Variants in CCDC73 observed in about 807,000 individuals in gnomAD.
CCDC73 encodes the protein coiled-coil domain-containing protein 73.
In CCDC73, 95 loss-of-function variants were observed where a neutral mutation model predicts 116.5. The observed-to-expected ratio is 0.82, with a 90% confidence interval of 0.69 to 0.97. The LOEUF (loss-of-function observed/expected upper bound fraction) is 0.97, where lower values mean the gene tolerates loss of function less well. Ranked by LOEUF, CCDC73 falls within the 50% of genes least tolerant of loss-of-function variation. The pLI, the probability that CCDC73 is intolerant of heterozygous loss-of-function variation, is 0.00. For synonymous variants in CCDC73, 398 were observed against 401.3 expected (o/e 0.99, Z 0.10); for missense variants, 1,066 against 1,206.8 (o/e 0.88, Z 1.73).
chr11:32,676,919 C>T (rs2052485924), intron 7 of CCDC73, among the ~76,000 whole-genome samples: 1 of 152,160 alleles, frequency 6.6e-6, no homozygotes, highest in Admixed American at 6.5e-5. Context: ...TTATATGGGC[C>T]TCTACTGCTT....
intron 14 of CCDC73, among the ~76,000 whole-genome samples, chr11:32,619,379 A>G (rs1411454391): frequency 6.6e-6 from 1 of 152,232 alleles, no homozygotes; most frequent in Non-Finnish European, 1.5e-5. Context: ...AACCAAAAAT[A>G]TACAAGTTGG....
At chr11:32,702,219 A>G (rs1412085817) in intron 4 of CCDC73, among the ~76,000 whole-genome samples, 4 of 152,230 alleles carry the variant, frequency 2.6e-5, no homozygotes, top group Admixed American at 6.5e-5. Flanking sequence ...AGATAGAGAT[A>G]AGGAAACTTT....
chr11:32,655,121 G>GGAAA (rs1855860548), intron 9 of CCDC73, 149 bp from the exon 10 acceptor site: 1 of 97,912 alleles, frequency 1.0e-5, no homozygotes, highest in Non-Finnish European at 2.0e-5. Flanking sequence ...ATTAGCCAAG[G>GGAAA]TGGGAACATA....
intron 2 of CCDC73, among the ~76,000 whole-genome samples, chr11:32,736,961 T>C (rs925568258): frequency 6.7e-6 from 1 of 149,336 alleles, no homozygotes; most frequent in Non-Finnish European, 1.5e-5. Context: ...TATACACACA[T>C]ATACATATAT....
intron 2 of CCDC73, among the ~76,000 whole-genome samples, chr11:32,751,337 T>C (rs774065946): frequency 3.3e-5 from 5 of 152,154 alleles, no homozygotes; most frequent in Non-Finnish European, 7.4e-5. Context: ...CTGGGTCGCA[T>C]GCTCTCTCCA....
intron 1 of CCDC73, among the ~76,000 whole-genome samples, chr11:32,775,314 T>C (rs984327519): frequency 6.6e-6 from 1 of 152,220 alleles, no homozygotes; most frequent in African/African-American, 2.4e-5. Context: ...CTGTCTGGAA[T>C]GCTCTATATC....
At chr11:32,672,253 A>G (rs2133284013) in intron 9 of CCDC73, among the ~76,000 whole-genome samples, 1 of 152,270 alleles carries the variant, frequency 6.6e-6, no homozygotes, top group South Asian at 2.1e-4. Context: ...GAGGCAGGAG[A>G]ATGGCTTGAA....
chr11:32,811,963 T>A, the CCDC73 span, among the ~76,000 whole-genome samples: 1 of 152,196 alleles, frequency 6.6e-6, no homozygotes, highest in Non-Finnish European at 1.5e-5. Flanking sequence ...TTTTTTTTCT[T>A]TTTTGGTATT....
intron 1 of CCDC73, among the ~76,000 whole-genome samples, chr11:32,760,944 C>T (rs1478834611): frequency 6.6e-6 from 1 of 152,110 alleles, no homozygotes; most frequent in African/African-American, 2.4e-5. Context: ...AGCTTATTAG[C>T]ACTTTACCAG....
At chr11:32,687,087 T>C (rs554870017) in intron 6 of CCDC73, among the ~76,000 whole-genome samples, 2 of 152,354 alleles carry the variant, frequency 1.3e-5, no homozygotes, top group East Asian at 1.9e-4. Context: ...TTTCCATTTA[T>C]TGAATTTATT....
At chr11:32,784,172 G>C (rs1168406347) in intron 1 of CCDC73, among the ~76,000 whole-genome samples, 3 of 151,950 alleles carry the variant, frequency 2.0e-5, no homozygotes, top group Non-Finnish European at 4.4e-5. Context: ...TCTACTAAAA[G>C]ATACAAAATT....
At chr11:32,621,542 A>C (rs1855523212) in intron 14 of CCDC73, among the ~76,000 whole-genome samples, 1 of 152,246 alleles carries the variant, frequency 6.6e-6, no homozygotes, top group South Asian at 2.1e-4. Context: ...TTAAATACTT[A>C]AGTGCAAAAC....
At chr11:32,697,642 C>A (rs965684493) in intron 6 of CCDC73, among the ~76,000 whole-genome samples, 4 of 151,830 alleles carry the variant, frequency 2.6e-5, no homozygotes, top group African/African-American at 4.8e-5. Flanking sequence ...TGCCACCATG[C>A]GTGGCTAATT....
chr11:32,630,562 C>T (rs1482871778), intron 14 of CCDC73, among the ~76,000 whole-genome samples: 5 of 152,104 alleles, frequency 3.3e-5, no homozygotes, highest in South Asian at 2.1e-4. Flanking sequence ...AGGCTGGTCT[C>T]GAACTCCTCA....
intron 2 of CCDC73, among the ~76,000 whole-genome samples, chr11:32,719,783 A>C (rs1849974952): frequency 6.6e-6 from 1 of 152,136 alleles, no homozygotes; most frequent in Non-Finnish European, 1.5e-5. Flanking sequence ...AAAACTTTAC[A>C]CTCAGAAATT....
chr11:32,708,801 G>A (rs1175536270), intron 3 of CCDC73, among the ~76,000 whole-genome samples: 2 of 152,156 alleles, frequency 1.3e-5, no homozygotes, highest in Admixed American at 6.5e-5. Context: ...CCAGTTCTAG[G>A]AGCTTTTTGG....
chr11:32,694,445 T>C (rs1856290587), intron 6 of CCDC73, among the ~76,000 whole-genome samples: 1 of 152,174 alleles, frequency 6.6e-6, no homozygotes, highest in Admixed American at 6.5e-5. Flanking sequence ...GAACATTCCA[T>C]GCTCTTCCTT....
chr11:32,793,352 G>A (rs1319282295), intron 1 of CCDC73, among the ~76,000 whole-genome samples: 1 of 152,110 alleles, frequency 6.6e-6, no homozygotes, highest in Admixed American at 6.5e-5. Flanking sequence ...CTCAGGTTGG[G>A]ATATTTCAGT....
At chr11:32,656,634 AT>A (rs1855876403) in intron 9 of CCDC73, among the ~76,000 whole-genome samples, 1 of 152,226 alleles carries the variant, frequency 6.6e-6, no homozygotes, top group Non-Finnish European at 1.5e-5. Flanking sequence ...GTCAGCAATG[AT>A]GGTATAAGCT....
Sources: gnomAD v4.1 joint callset for allele counts (sites outside exome capture counted in the v4.1 genomes callset) on GRCh38, gnomAD v4.1.1 for gene constraint, MANE v1.5 for transcripts, NCBI Gene and HGNC (gene_info 2026-07-23, HGNC 2026-07-21) for gene names.